The following SHISA6 variants were observed in gnomAD, a reference collection of about 807,000 sequenced individuals.
The protein encoded by SHISA6 is protein shisa-6.
SHISA6 carries 22 observed loss-of-function variants against 47.9 expected under a neutral mutation model. The observed-to-expected ratio is 0.46, with a 90% CI of 0.33 to 0.66. The LOEUF (loss-of-function observed/expected upper bound fraction) is 0.66. Ranked by LOEUF, SHISA6 falls within the 30% of genes least tolerant of loss-of-function variation. The pLI, the probability that SHISA6 is intolerant of heterozygous loss-of-function variation, is 0.02. For synonymous variants in SHISA6, 388 were observed against 337.8 expected, an observed-to-expected ratio of 1.15 and a Z score of -1.63; for missense variants, 680 against 764.6, an observed-to-expected ratio of 0.89 and a Z score of 1.30.
At chr17:11,503,030 C>A (rs769666663) in intron 3 of SHISA6, among the ~76,000 whole-genome samples, 1 of 152,082 alleles carries the variant, frequency 6.6e-6, no homozygotes, top group Non-Finnish European at 1.5e-5. Context: ...TGTACTTTTT[C>A]TTTTATTTCT....
At chr17:11,333,865 A>G (rs1453680484) in intron 2 of SHISA6, among the ~76,000 whole-genome samples, 1 of 152,170 alleles carries the variant, frequency 6.6e-6, no homozygotes, top group Non-Finnish European at 1.5e-5. Context: ...GGAGGGTGGT[A>G]TTCAGAGAGC....
At chr17:11,430,848 G>A (rs1914752056) in intron 3 of SHISA6, among the ~76,000 whole-genome samples, 1 of 152,210 alleles carries the variant, frequency 6.6e-6, no homozygotes. Flanking sequence ...AGCAGGAGAA[G>A]TGTTATCCCT....
At chr17:11,311,106 C>CAAAA (rs71139101) in intron 2 of SHISA6, among the ~76,000 whole-genome samples, 1 of 48,578 alleles carries the variant, frequency 2.1e-5, no homozygotes, top group African/African-American at 8.0e-5. Context: ...GACTCCATCT[C>CAAAA]AAAAAAAAAA....
At chr17:11,336,560 C>G (rs896663093) in intron 2 of SHISA6, among the ~76,000 whole-genome samples, 2 of 152,188 alleles carry the variant, frequency 1.3e-5, no homozygotes, top group Non-Finnish European at 2.9e-5. Flanking sequence ...GACCCTGTGA[C>G]AAAGCTTCTC....
intron 2 of SHISA6, among the ~76,000 whole-genome samples, chr17:11,273,631 C>T (rs937986952): frequency 1.1e-4 from 16 of 152,240 alleles, no homozygotes; most frequent in African/African-American, 2.4e-4. Context: ...TGACTGTCCA[C>T]GCCCTGGGCT....
chr17:11,440,542 C>G (rs1269881616), intron 3 of SHISA6, among the ~76,000 whole-genome samples: 1 of 151,102 alleles, frequency 6.6e-6, no homozygotes, highest in African/African-American at 2.4e-5. Flanking sequence ...AGGGCTAACT[C>G]TTAGTCTATC....
At chr17:11,488,110 G>C (rs1916395616) in intron 3 of SHISA6, among the ~76,000 whole-genome samples, 1 of 152,156 alleles carries the variant, frequency 6.6e-6, no homozygotes, top group South Asian at 2.1e-4. Context: ...TCCCTGACTT[G>C]ATAGTTTTGT....
rs146556299 is a variant in SHISA6 at position 11,256,719 on chromosome 17, A to G, written c.639-6647A>G. On this transcript the variant is annotated intron_variant, in intron 1 of 5. Coordinates refer to ENST00000441885, the MANE Select transcript of SHISA6 (RefSeq NM_207386.4). Reference sequence around the variant, plus strand: ...TTTCAACGAATTCTCAGACAATCCAAGTATTTCTGAAAAGTCTGGGTTTGA... The same window carrying G: ...TTTCAACGAATTCTCAGACAATCCAGGTATTTCTGAAAAGTCTGGGTTTGA... Among the ~76,000 whole-genome samples the G allele has an allele frequency of 2.6e-3, 395 of 152,248 alleles. 2 individuals carry two copies. Among genetic ancestry groups the G allele is most frequent in the African/African-American group, 9.2e-3 (383 of 41,540 alleles).
chr17:11,379,072 G>A (rs1174078348), intron 2 of SHISA6, among the ~76,000 whole-genome samples: 1 of 150,258 alleles, frequency 6.7e-6, no homozygotes, highest in Non-Finnish European at 1.5e-5. Flanking sequence ...CCAGGACTTT[G>A]TTCTTTGTTG....
chr17:11,302,716 G>A (rs1909971644), intron 2 of SHISA6, among the ~76,000 whole-genome samples: 2 of 152,194 alleles, frequency 1.3e-5, no homozygotes, highest in Non-Finnish European at 2.9e-5. Context: ...GGTCCTAGCA[G>A]GAAGATGATT....
At chr17:11,441,004 G>C (rs2142297255) in intron 3 of SHISA6, among the ~76,000 whole-genome samples, 1 of 152,110 alleles carries the variant, frequency 6.6e-6, no homozygotes, top group East Asian at 2.0e-4. Flanking sequence ...AATGAGAAGA[G>C]AGAGGAAGGA....
chr17:11,292,318 G>C (rs1398796466), intron 2 of SHISA6, among the ~76,000 whole-genome samples: 1 of 152,032 alleles, frequency 6.6e-6, no homozygotes, highest in African/African-American at 2.4e-5. Context: ...CCTGGTGTGT[G>C]ATGTTCTGCT....
intron 2 of SHISA6, among the ~76,000 whole-genome samples, chr17:11,350,744 T>G (rs1190156133): frequency 1.3e-5 from 2 of 152,142 alleles, no homozygotes; most frequent in African/African-American, 4.8e-5. Context: ...GTCATGCCAT[T>G]CCCTCACTCA....
At chr17:11,546,393 T>C (rs572222919) in intron 3 of SHISA6, among the ~76,000 whole-genome samples, 1 of 152,174 alleles carries the variant, frequency 6.6e-6, no homozygotes, top group South Asian at 2.1e-4. Context: ...GAAAGGACCA[T>C]TCTATGAGAA....
At chr17:11,377,846 T>C (rs73299356) in intron 2 of SHISA6, among the ~76,000 whole-genome samples, 11,853 of 152,198 alleles carry the variant, frequency 0.078, 995 homozygotes, top group African/African-American at 0.2. Flanking sequence ...CGGACCCCAC[T>C]CAATTGAATC....
At chr17:11,453,205 A>G (rs1410387454) in intron 3 of SHISA6, among the ~76,000 whole-genome samples, 7 of 152,186 alleles carry the variant, frequency 4.6e-5, no homozygotes, top group Admixed American at 3.9e-4. Context: ...AGAGATTATC[A>G]TAGATGATCC....
chr17:11,300,388 A>G (rs1909883971), intron 2 of SHISA6, among the ~76,000 whole-genome samples: 1 of 152,174 alleles, frequency 6.6e-6, no homozygotes, highest in Admixed American at 6.5e-5. Flanking sequence ...TCCATGGAGC[A>G]CTGGCAACTG....
chr17:11,525,602 C>T (rs1273188926), intron 3 of SHISA6, among the ~76,000 whole-genome samples: 12 of 130,656 alleles, frequency 9.2e-5, no homozygotes, highest in Admixed American at 1.8e-4. Context: ...CACTGCACTC[C>T]AGCCTGGCAA....
chr17:11,248,981 T>C (rs1056619668), intron 1 of SHISA6, among the ~76,000 whole-genome samples: 10 of 151,762 alleles, frequency 6.6e-5, no homozygotes, highest in Non-Finnish European at 4.4e-5. Flanking sequence ...CTACTAAAAA[T>C]ACAAAAAATT....
Sources: gnomAD v4.1 joint callset for allele counts (sites outside exome capture counted in the v4.1 genomes callset) on GRCh38, gnomAD v4.1.1 for gene constraint, MANE v1.5 for transcripts, NCBI Gene and HGNC (gene_info 2026-07-23, HGNC 2026-07-21) for gene names.